Variants in TNIK observed in about 807,000 individuals in gnomAD.
The protein encoded by TNIK is TRAF2 and NCK interacting kinase.
A neutral mutation model predicts 191.3 loss-of-function variants in TNIK; 49 were observed. The ratio of observed to expected loss-of-function variants is 0.26; its 90% CI spans 0.20 to 0.32. The LOEUF is 0.32. TNIK is among the 10% of genes least tolerant of loss of function. TNIK has a pLI of 1.00. For synonymous variants in TNIK, 594 were observed against 600.9 expected (o/e 0.99, Z 0.17); for missense variants, 1,155 against 1,702.3 (o/e 0.68, Z 5.66).
intron 2 of TNIK, among the ~76,000 whole-genome samples, chr3:171,269,409 T>C (rs1748818152): frequency 6.6e-6 from 1 of 152,226 alleles, no homozygotes; most frequent in South Asian, 2.1e-4. Context: ...ATCAAGTAAA[T>C]ACAAAGCAGC....
At chr3:171,229,595 C>A (rs1577186297) in intron 2 of TNIK, among the ~76,000 whole-genome samples, 1 of 152,244 alleles carries the variant, frequency 6.6e-6, no homozygotes, top group Non-Finnish European at 1.5e-5. Context: ...AAATCCTTTC[C>A]CTTTTTCTAC....
At chr3:171,302,337 G>T (rs1394630394) in intron 2 of TNIK, among the ~76,000 whole-genome samples, 1 of 123,094 alleles carries the variant, frequency 8.1e-6, no homozygotes, top group Non-Finnish European at 1.9e-5. Flanking sequence ...AAAGAGATTT[G>T]TCTGTTTAGT....
At chr3:171,184,870 A>G (rs1207233671) in intron 7 of TNIK, among the ~76,000 whole-genome samples, 1 of 152,182 alleles carries the variant, frequency 6.6e-6, no homozygotes, top group East Asian at 1.9e-4. Flanking sequence ...TGGAGGAGAC[A>G]CCCATGTCTG....
rs938007490 is a variant in TNIK at position 171,107,270 on chromosome 3, G to A, written c.2383-64C>T. ...AGGAGGAAAAGCCAGCAGAAAGGCAGCAGATTAGACACAAAATTGTAATTG... is the reference window on the plus strand; with the variant it reads ...AGGAGGAAAAGCCAGCAGAAAGGCAACAGATTAGACACAAAATTGTAATTG... On this transcript the variant is annotated intron_variant, in intron 20 of 32. Coordinates refer to ENST00000436636, the MANE Select transcript of TNIK (RefSeq NM_015028.4). The A allele has an allele frequency of 3.3e-6, 5 of 1,519,796 alleles. No individual in the cohort carries two copies. In the Admixed American group the frequency reaches 7.8e-5, roughly 24 times the overall value. 94.1% of individuals were successfully genotyped at this position (1,519,796 alleles called of 1,614,324 possible).
chr3:171,139,390 A>G (rs1730481739), intron 14 of TNIK, 80 bp downstream of exon 14: 12 of 1,071,320 alleles, frequency 1.1e-5, no homozygotes, highest in South Asian at 4.2e-5. Context: ...ACACACACAC[A>G]CACACACACA....
rs187828572 is a variant in TNIK at position 171,283,853 on chromosome 3, C to T, written c.124-55632G>A. ...CAGAACAATCTCCTCAGAACTACTTCGAGGGTACTGTCTCTCAGCCATCTT... is the reference window on the plus strand; with the variant it reads ...CAGAACAATCTCCTCAGAACTACTTTGAGGGTACTGTCTCTCAGCCATCTT... On this transcript the variant is annotated intron_variant, in intron 2 of 32. Coordinates refer to ENST00000436636, the MANE Select transcript of TNIK (RefSeq NM_015028.4). Among the ~76,000 whole-genome samples the T allele has an allele frequency of 1.2e-3, 176 of 152,326 alleles. 1 individual carries two copies. The highest frequency in any genetic ancestry group is 4.4e-3 in the South Asian group (21 of 4,824).
Position 171,337,509 on chromosome 3 carries a change from G to A in TNIK, c.123+32111C>T, listed in dbSNP as rs138947358. On this transcript the variant is annotated intron_variant, in intron 2 of 32. Transcript: ENST00000436636. ...TTAAGCCTGGGCATCCTATTTGGGCGGATATAGTTACAATGCCATATTTCA... is the reference window on the plus strand; with the variant it reads ...TTAAGCCTGGGCATCCTATTTGGGCAGATATAGTTACAATGCCATATTTCA... Among the ~76,000 whole-genome samples, 1,227 of 152,290 alleles carry A rather than the reference G, an allele frequency of 8.1e-3. 30 individuals are homozygous for A. The highest frequency in any genetic ancestry group is 0.062 in the South Asian group (301 of 4,818).
At chr3:171,328,150 C>G (rs1756017771) in intron 2 of TNIK, among the ~76,000 whole-genome samples, 1 of 152,118 alleles carries the variant, frequency 6.6e-6, no homozygotes, top group South Asian at 2.1e-4. Context: ...GCTCTGCCCT[C>G]ATAGGATTAG....
chr3:171,404,102 T>C (rs1204121940), intron 1 of TNIK, among the ~76,000 whole-genome samples: 1 of 152,268 alleles, frequency 6.6e-6, no homozygotes, highest in African/African-American at 2.4e-5. Context: ...GTACTGGCTA[T>C]GTACCTACAG....
At position 171,077,730 on chromosome 3, in the gene TNIK, C is replaced by T. The variant is rs114500130; in HGVS notation, c.3448+1788G>A. Among the ~76,000 whole-genome samples the T allele has an allele frequency of 4.1e-3, 628 of 152,170 alleles. 5 individuals carry two copies. Among genetic ancestry groups the T allele is most frequent in the Non-Finnish European group, 6.9e-3 (470 of 68,016 alleles). Reference sequence around the variant, plus strand: ...GTTGACTGAAAATCTTGAGACTTTTCAGCCTGTATAGTATAGTCATGTGAA... The same window carrying T: ...GTTGACTGAAAATCTTGAGACTTTTTAGCCTGTATAGTATAGTCATGTGAA... On this transcript the variant is annotated intron_variant, in intron 28 of 32. Coordinates refer to ENST00000436636, the MANE Select transcript of TNIK (RefSeq NM_015028.4).
In TNIK at chr3:171,197,481, G is replaced by C. The variant is rs949108632; in HGVS notation, c.307-2846C>G. On this transcript the variant is annotated intron_variant, in intron 4 of 32. Transcript: ENST00000436636. ...TGTGAAAAGACAGCCCACAGAATGGGAAAAGTATTTGCAAATCATATATCT... is the reference window on the plus strand; with the variant it reads ...TGTGAAAAGACAGCCCACAGAATGGCAAAAGTATTTGCAAATCATATATCT... 2.0e-5 allele frequency among the ~76,000 whole-genome samples: 3 copies of C among 151,380 alleles called. No individual in the cohort carries two copies. The East Asian group carries it at 5.8e-4, about 29-fold the overall frequency.
At chr3:171,405,459 TTAA>T (rs1295242019) in intron 1 of TNIK, among the ~76,000 whole-genome samples, 2 of 150,098 alleles carry the variant, frequency 1.3e-5, no homozygotes, top group Non-Finnish European at 2.9e-5. Flanking sequence ...TTCTATTCTA[TTAA>T]TAATATTTCT....
At chr3:171,224,045 A>G (rs1344308266) in intron 3 of TNIK, among the ~76,000 whole-genome samples, 2 of 152,116 alleles carry the variant, frequency 1.3e-5, no homozygotes, top group Non-Finnish European at 2.9e-5. Flanking sequence ...AGGGATGGGG[A>G]CATGGTCCAA....
intron 3 of TNIK, among the ~76,000 whole-genome samples, chr3:171,213,369 C>T (rs1321662326): frequency 6.6e-6 from 1 of 152,124 alleles, no homozygotes; most frequent in Non-Finnish European, 1.5e-5. Flanking sequence ...AAAAAGGCAA[C>T]TACGTGAGGT....
At position 171,190,784 on chromosome 3, in the gene TNIK, G is replaced by GCC; in HGVS notation, c.419_420dup (p.Leu141GlyfsTer2). The GCC allele has an allele frequency of 6.3e-7, 1 of 1,588,740 alleles. No homozygotes were observed. Among genetic ancestry groups the GCC allele is most frequent in the Middle Eastern group, 1.7e-4 (1 of 6,032 alleles). Reference sequence around the variant, plus strand: ...ACTTTATGCTGGTGCAGGTGACTCAGCCCCTGGAGTGATGGAGAGTTAAGA... The same window carrying GCC: ...ACTTTATGCTGGTGCAGGTGACTCAGCCCCCCTGGAGTGATGGAGAGTTAAGA... On this transcript the variant is annotated frameshift_variant, in exon 6 of 33. Transcript: ENST00000436636. LOFTEE classifies it high-confidence loss of function.
intron 1 of TNIK, among the ~76,000 whole-genome samples, chr3:171,373,657 C>G (rs1376740788): frequency 6.6e-6 from 1 of 152,158 alleles, no homozygotes; most frequent in Non-Finnish European, 1.5e-5. Context: ...AAGGTCATGT[C>G]ATTCTTAGGC....
At chr3:171,138,423 CA>C in intron 14 of TNIK, 44 bp from the exon 15 acceptor site, 2 of 1,462,154 alleles carry the variant, frequency 1.4e-6, no homozygotes, top group Non-Finnish European at 1.8e-6. Flanking sequence ...GCCAAATTAT[CA>C]CATAGAAATC....
intron 4 of TNIK, among the ~76,000 whole-genome samples, chr3:171,206,424 A>C (rs986512619): frequency 6.6e-6 from 1 of 151,520 alleles, no homozygotes; most frequent in Admixed American, 6.6e-5. Flanking sequence ...GTTCCCAGCA[A>C]CAACAGCCAT....
chr3:171,212,327 C>G (rs979843949), intron 3 of TNIK, among the ~76,000 whole-genome samples: 1 of 152,092 alleles, frequency 6.6e-6, no homozygotes, highest in African/African-American at 2.4e-5. Context: ...CGACATTCAC[C>G]AGGGATCTCT....
Sources: gnomAD v4.1 joint callset for allele counts (sites outside exome capture counted in the v4.1 genomes callset) on GRCh38, gnomAD v4.1.1 for gene constraint, MANE v1.5 for transcripts, NCBI Gene and HGNC (gene_info 2026-07-23, HGNC 2026-07-21) for gene names.